Variants in KIAA1671 observed in about 807,000 individuals in gnomAD.
KIAA1671 encodes the protein KIAA1671, also known as uncharacterized protein KIAA1671.
In KIAA1671, 52 loss-of-function variants were observed where a neutral mutation model predicts 131.2. The ratio of observed to expected loss-of-function variants is 0.40; its 90% CI spans 0.32 to 0.50. The LOEUF (loss-of-function observed/expected upper bound fraction) is 0.50, where lower values mean the gene tolerates loss of function less well. KIAA1671 is among the 20% of genes least tolerant of loss of function. The pLI, the probability that KIAA1671 is intolerant of heterozygous loss-of-function variation, is 0.73. For synonymous variants in KIAA1671, 1,003 were observed against 961.6 expected (o/e 1.04, Z -0.80); for missense variants, 2,360 against 2,364.2 (o/e 1.00, Z 0.04).
intron 1 of KIAA1671, among the ~76,000 whole-genome samples, chr22:25,021,475 T>C (rs1156519335): frequency 6.6e-6 from 1 of 152,024 alleles, no homozygotes; most frequent in Admixed American, 6.5e-5. Flanking sequence ...CCTTTTTTTT[T>C]TTTTTTTGTC....
chr22:25,163,527 C>T (rs1324832717), intron 6 of KIAA1671, among the ~76,000 whole-genome samples: 8 of 148,508 alleles, frequency 5.4e-5, no homozygotes, highest in Non-Finnish European at 1.0e-4. Context: ...TTGCAACCTC[C>T]GCTACCCGGG....
Position 25,040,684 on chromosome 22 carries a change from CGTTCCCAGGTAAAAT to C in KIAA1671, c.3555_3569del (p.Phe1186_Ile1190del). On this transcript the variant is annotated inframe_deletion, in exon 5 of 13. Transcript: ENST00000358431. ...AGGAAGACTGATGTGATCAGTGACA[CGTTCCCAGGTAAAAT>C]CAGAGATGGCTACAGATCCAGCGTT... The C allele has an allele frequency of 6.4e-7, 1 of 1,552,164 alleles. No individual in the cohort carries two copies.
In KIAA1671 at chr22:25,072,310, CT is replaced by C. The variant is rs1928873063; in HGVS notation, c.4530+22950del. Among the ~76,000 whole-genome samples the C allele has an allele frequency of 2.0e-5, 3 of 152,176 alleles. No individual in the cohort carries two copies. The South Asian group carries it at 6.2e-4, about 32-fold the overall frequency. ...ACCTCTCTAGTGACCTTGGGCAAGT[CT>C]TTTCCTCTCTGGGCCTTGGTTTCCC... On this transcript the variant is annotated intron_variant, in intron 6 of 12. Transcript: ENST00000358431.
At chr22:25,075,721 T>G (rs1338738945) in intron 6 of KIAA1671, among the ~76,000 whole-genome samples, 1 of 149,310 alleles carries the variant, frequency 6.7e-6, no homozygotes. Flanking sequence ...ATGGTCTCTA[T>G]CTCCCAAAGT....
At chr22:25,130,926 C>T (rs1177236558) in intron 6 of KIAA1671, among the ~76,000 whole-genome samples, 3 of 152,242 alleles carry the variant, frequency 2.0e-5, no homozygotes, top group African/African-American at 4.8e-5. Context: ...CACCCCAAAC[C>T]AAGGTTGCTC....
chr22:25,122,278 G>A (rs1931982716), intron 6 of KIAA1671, among the ~76,000 whole-genome samples: 1 of 152,134 alleles, frequency 6.6e-6, no homozygotes, highest in Non-Finnish European at 1.5e-5. Context: ...AGTGTGACAT[G>A]TCGGTTTACC....
chr22:25,010,904 A>G (rs1924999335), intron 1 of KIAA1671: 1 of 152,216 alleles, frequency 6.6e-6, no homozygotes, highest in South Asian at 2.1e-4. Flanking sequence ...TCTTGGTCCC[A>G]ATACGGTTGC....
chr22:25,058,613 A>G (rs375071814), intron 6 of KIAA1671: 7,317 of 152,260 alleles, frequency 0.048, 248 homozygotes, highest in Non-Finnish European at 0.072. Flanking sequence ...TTGTTTATAT[A>G]AAAACGAGTT....
At chr22:25,054,581 G>T (rs1037703698) in intron 6 of KIAA1671, 1 of 149,836 alleles carries the variant, frequency 6.7e-6, no homozygotes, top group Non-Finnish European at 1.5e-5. Context: ...GGGGGAGGGA[G>T]TGCAGAGCTT....
chr22:24,962,712 G>A (rs947840478), intron 1 of KIAA1671, among the ~76,000 whole-genome samples: 9 of 152,106 alleles, frequency 5.9e-5, no homozygotes, highest in East Asian at 1.9e-4. Context: ...ATTAGTCTAC[G>A]GAGGCCCAGA....
chr22:25,121,287 C>T (rs1382145512), intron 6 of KIAA1671, among the ~76,000 whole-genome samples: 1 of 151,948 alleles, frequency 6.6e-6, no homozygotes, highest in African/African-American at 2.4e-5. Flanking sequence ...ACGGTGAAAA[C>T]CTATCTCTAC....
At position 25,039,839 on chromosome 22, in the gene KIAA1671, A is replaced by C; in HGVS notation, c.2709A>C (p.Pro903=). The C allele has an allele frequency of 6.5e-7, 1 of 1,548,284 alleles. No homozygotes were observed. The highest frequency in any genetic ancestry group is 2.4e-5 in the East Asian group (1 of 40,850). The change falls in exon 5 of 13, where the codon CCA becomes CCC. Residue 903 remains proline, a synonymous_variant. Coordinates refer to ENST00000358431, the MANE Select transcript of KIAA1671 (RefSeq NM_001145206.2). ...CTGACTCCCAAGCACGAACACATCC[A>C]GATGCATTTGCTGTGCAGAAAGGGC... The part of the protein sequence containing the change: ...GPSDSQARTH[P]DAFAVQKGPF...
chr22:24,963,656 A>G (rs973050839), intron 1 of KIAA1671, among the ~76,000 whole-genome samples: 44 of 151,994 alleles, frequency 2.9e-4, no homozygotes, highest in Non-Finnish European at 4.4e-5. Context: ...TTTGCAGGAG[A>G]TAGGCCGGGT....
At chr22:25,113,094 G>A (rs1408125680) in intron 6 of KIAA1671, among the ~76,000 whole-genome samples, 1 of 152,164 alleles carries the variant, frequency 6.6e-6, no homozygotes, top group South Asian at 2.1e-4. Flanking sequence ...TAAAACCTTG[G>A]CCTGTGTCCT....
At chr22:25,165,599 T>C (rs954515573) in intron 6 of KIAA1671, among the ~76,000 whole-genome samples, 2 of 152,204 alleles carry the variant, frequency 1.3e-5, no homozygotes, top group Non-Finnish European at 2.9e-5. Flanking sequence ...TATTAGTTAA[T>C]GTCAATTTAA....
chr22:25,036,546 G>C (rs1926610125), intron 4 of KIAA1671, among the ~76,000 whole-genome samples: 1 of 152,044 alleles, frequency 6.6e-6, no homozygotes, highest in Non-Finnish European at 1.5e-5. Context: ...GTTCTGAAAG[G>C]CTCTTCAAGG....
chr22:25,149,274 G>A (rs544782596), intron 6 of KIAA1671, among the ~76,000 whole-genome samples: 5 of 152,254 alleles, frequency 3.3e-5, no homozygotes, highest in African/African-American at 9.6e-5. Context: ...GCTCCAAGGC[G>A]CCTGCTGACC....
rs573748281 is a variant in KIAA1671 at position 25,128,128 on chromosome 22, T to G, written c.4531-42692T>G. Among the ~76,000 whole-genome samples the G allele has an allele frequency of 2.0e-5, 3 of 152,282 alleles. No individual in the cohort carries two copies. In the East Asian group the frequency reaches 5.8e-4, roughly 29 times the overall value. On this transcript the variant is annotated intron_variant, in intron 6 of 12. Transcript: ENST00000358431. The stretch of plus-strand genomic sequence containing the variant: ...AACTTGGGTGGGCATCAGATATATC[T>G]TGGGTCCTGGTGCCACGAGGAGAGT...
rs370273300 is a variant in KIAA1671 at position 25,032,806 on chromosome 22, A to C, written c.1629+110A>C. On this transcript the variant is annotated intron_variant, in intron 4 of 12. Transcript: ENST00000358431. ...CCCCAGGAAGACTCAGAAACATGTC[A>C]TGCACACGATAAAACATTTTTTCTT... 1.1e-3 allele frequency: 590 copies of C among 559,480 alleles called. 4 individuals are homozygous for C. The highest frequency in any genetic ancestry group is 9.8e-3 in the African/African-American group (525 of 53,638). 34.7% of individuals were successfully genotyped at this position (559,480 alleles called of 1,614,324 possible). A position where few individuals can be genotyped will look rare whatever the true frequency, so the allele number is the denominator to read the frequency against.
Sources: allele counts gnomAD v4.1 joint callset (sites outside exome capture counted in the v4.1 genomes callset), GRCh38; gene constraint gnomAD v4.1.1; transcripts MANE v1.5; gene names NCBI Gene and HGNC (gene_info 2026-07-23, HGNC 2026-07-21).